The following CUBN variants were observed in gnomAD, a reference collection of about 807,000 sequenced individuals.
CUBN encodes the protein 460 kDa receptor.
A neutral mutation model predicts 405.3 loss-of-function variants in CUBN; 282 were observed. That is an observed-to-expected ratio of 0.70 (90% CI 0.63 to 0.77). The LOEUF (loss-of-function observed/expected upper bound fraction) is 0.77. CUBN is among the 30% of genes least tolerant of loss of function. The pLI, the probability that CUBN is intolerant of heterozygous loss-of-function variation, is 0.00. For synonymous variants in CUBN, 1,684 were observed against 1,617.0 expected (o/e 1.04, Z -0.99); for missense variants, 4,514 against 4,475.2 (o/e 1.01, Z -0.25).
At chr10:16,829,932 T>TA in intron 65 of CUBN, among the ~76,000 whole-genome samples, 1 of 150,340 alleles carries the variant, frequency 6.7e-6, no homozygotes. Flanking sequence ...TGGTGGGTTT[T>TA]TTTTGTTTTG....
intron 17 of CUBN, among the ~76,000 whole-genome samples, chr10:17,080,089 A>G (rs945526789): frequency 1.3e-5 from 2 of 152,196 alleles, no homozygotes; most frequent in Admixed American, 6.5e-5. Context: ...TAAAGATTTT[A>G]CCAGGGAGTT....
intron 22 of CUBN, among the ~76,000 whole-genome samples, chr10:17,062,039 C>T (rs1835515792): frequency 6.6e-6 from 1 of 152,008 alleles, no homozygotes; most frequent in South Asian, 2.1e-4. Flanking sequence ...CTTGACATAC[C>T]CTAAAAAATA....
chr10:16,990,893 G>A lies in CUBN; in HGVS notation c.4169-378C>T, dbSNP rs181972168. On this transcript the variant is annotated intron_variant, in intron 28 of 66. Coordinates refer to ENST00000377833, the MANE Select transcript of CUBN (RefSeq NM_001081.4). ...ACAATGGACCGTGTGAGCCGTGGTC[G>A]TGAACTTCAGGTCCCTGGGCCTTCA... is the stretch of plus-strand genomic sequence containing the variant. Among the ~76,000 whole-genome samples, 7 of 152,250 alleles carry A rather than the reference G, an allele frequency of 4.6e-5. No individual in the cohort carries two copies. In the South Asian group the frequency reaches 8.3e-4, roughly 18 times the overall value.
At chr10:17,082,970 T>A (rs956434219) in intron 17 of CUBN, among the ~76,000 whole-genome samples, 1 of 152,190 alleles carries the variant, frequency 6.6e-6, no homozygotes, top group Non-Finnish European at 1.5e-5. Flanking sequence ...TAATTTGTTA[T>A]ACTATTTTAA....
rs1054641387 is a variant in CUBN at position 16,850,960 on chromosome 10, G to A, written c.9663+275C>T. Among the ~76,000 whole-genome samples, 7 of 152,258 alleles carry A rather than the reference G, an allele frequency of 4.6e-5. No individual in the cohort carries two copies. In the East Asian group the frequency reaches 5.8e-4, roughly 13 times the overall value. ...CAGAAAACCGACCTTCCTATAGATC[G>A]TCTTTTGCAAGACATTGATGAATAG... On this transcript the variant is annotated intron_variant, in intron 60 of 66. Transcript: ENST00000377833.
chr10:17,061,572 C>G (rs1213473352), intron 22 of CUBN, among the ~76,000 whole-genome samples: 2 of 152,136 alleles, frequency 1.3e-5, no homozygotes, highest in African/African-American at 2.4e-5. Context: ...CTGCTAGATG[C>G]CTCTTCTGAG....
chr10:17,043,321 T>C (rs1382347093), intron 26 of CUBN, among the ~76,000 whole-genome samples: 1 of 152,172 alleles, frequency 6.6e-6, no homozygotes, highest in Non-Finnish European at 1.5e-5. Context: ...AAGAACATGC[T>C]TATTCCATGC....
intron 56 of CUBN, among the ~76,000 whole-genome samples, chr10:16,884,528 C>T (rs1025341701): frequency 6.6e-6 from 1 of 152,024 alleles, no homozygotes; most frequent in South Asian, 2.1e-4. Context: ...TGAGGACAAA[C>T]ATCAATGGTC....
chr10:17,045,859 A>T, intron 24 of CUBN, 75 bp downstream of exon 24: 1 of 1,456,094 alleles, frequency 6.9e-7, no homozygotes. Flanking sequence ...AGTGAGGGAC[A>T]GAGCATGACA....
chr10:16,843,455 A>C (rs1839418414), intron 60 of CUBN, among the ~76,000 whole-genome samples: 1 of 152,190 alleles, frequency 6.6e-6, no homozygotes, highest in Non-Finnish European at 1.5e-5. Flanking sequence ...AAAGAAATGC[A>C]CCACTAGATG....
chr10:17,129,560 CA>C, intron 1 of CUBN, 83 bp downstream of exon 1: 4 of 1,576,174 alleles, frequency 2.5e-6, no homozygotes, highest in Non-Finnish European at 3.5e-6. Flanking sequence ...AGAAAAATTG[CA>C]CCTTTGTTTA....
chr10:17,071,805 T>A, intron 18 of CUBN, 22 bp downstream of exon 18: 3 of 1,608,532 alleles, frequency 1.9e-6, no homozygotes, highest in Non-Finnish European at 2.5e-6. Flanking sequence ...ATTAGACATT[T>A]AAAAATTATA....
chr10:16,834,947 T>G, intron 64 of CUBN, 67 bp downstream of exon 64: 1 of 1,403,124 alleles, frequency 7.1e-7, no homozygotes, highest in Non-Finnish European at 1.0e-6. Context: ...AGATAAAAGG[T>G]GTAAAATCTT....
chr10:17,109,584 T>G, intron 10 of CUBN, 56 bp downstream of exon 10: 2 of 1,354,808 alleles, frequency 1.5e-6, no homozygotes, highest in Non-Finnish European at 2.1e-6. Flanking sequence ...GATGTTGAAT[T>G]GGTTTAGAAG....
intron 43 of CUBN, among the ~76,000 whole-genome samples, chr10:16,924,560 A>G (rs1018508855): frequency 1.3e-5 from 2 of 152,076 alleles, no homozygotes; most frequent in East Asian, 1.9e-4. Flanking sequence ...TTTGAAATCT[A>G]TATTATCTAA....
chr10:16,876,741 T>C (rs1840514214), intron 57 of CUBN, among the ~76,000 whole-genome samples, 156 bp downstream of exon 57: 1 of 152,178 alleles, frequency 6.6e-6, no homozygotes, highest in Non-Finnish European at 1.5e-5. Flanking sequence ...AAAAAATGTG[T>C]ATATGTATTT....
chr10:16,925,116 T>G, intron 43 of CUBN, 125 bp downstream of exon 43: 2 of 700,666 alleles, frequency 2.9e-6, no homozygotes, highest in Non-Finnish European at 5.0e-6. Context: ...TCAAATATAA[T>G]AAGTACTTGA....
intron 17 of CUBN, among the ~76,000 whole-genome samples, chr10:17,074,780 T>A (rs1247263219): frequency 6.6e-6 from 1 of 152,212 alleles, no homozygotes; most frequent in Non-Finnish European, 1.5e-5. Flanking sequence ...ATAAATGTGA[T>A]TTTATTCTGT....
At chr10:16,853,602 G>C (rs79721330) in intron 59 of CUBN, among the ~76,000 whole-genome samples, 1,602 of 152,328 alleles carry the variant, frequency 0.011, 28 homozygotes, top group African/African-American at 0.036. Flanking sequence ...TATTTGCATA[G>C]TCAGACATTT....
Sources: gnomAD v4.1 joint callset for allele counts (sites outside exome capture counted in the v4.1 genomes callset) on GRCh38, gnomAD v4.1.1 for gene constraint, MANE v1.5 for transcripts, NCBI Gene and HGNC (gene_info 2026-07-23, HGNC 2026-07-21) for gene names.